CNTNAP2: variants seen among roughly 807,000 people sequenced by gnomAD.
CNTNAP2 encodes contactin-associated protein-like 2.
In CNTNAP2, 98 loss-of-function variants were observed where a neutral mutation model predicts 155.2. The ratio of observed to expected loss-of-function variants is 0.63; its 90% CI spans 0.54 to 0.75. CNTNAP2 has a LOEUF of 0.75. CNTNAP2 is among the 30% of genes least tolerant of loss of function. CNTNAP2 has a pLI of 0.00. For missense variants in CNTNAP2, 1,727 were observed against 1,688.1 expected (o/e 1.02, Z -0.40); for synonymous variants, 651 against 631.2 (o/e 1.03, Z -0.47).
At position 148,292,853 on chromosome 7, in the gene CNTNAP2, A is replaced by T. The variant is rs973309700; in HGVS notation, c.3475+25727A>T. On this transcript the variant is annotated intron_variant, in intron 21 of 23. Coordinates refer to ENST00000361727, the MANE Select transcript of CNTNAP2 (RefSeq NM_014141.6). Reference sequence around the variant, plus strand: ...GTCTCAGCAACTTCCTCTGCCCTACACTGGGATGCCCTCCTTAGTTGATCT... The same window carrying T: ...GTCTCAGCAACTTCCTCTGCCCTACTCTGGGATGCCCTCCTTAGTTGATCT... Among the ~76,000 whole-genome samples the T allele has an allele frequency of 2.0e-5, 3 of 152,220 alleles. No individual in the cohort carries two copies. In the East Asian group the frequency reaches 5.8e-4, roughly 30 times the overall value.
At chr7:147,574,368 G>T (rs1204412680) in intron 12 of CNTNAP2, among the ~76,000 whole-genome samples, 1 of 151,974 alleles carries the variant, frequency 6.6e-6, no homozygotes, top group Non-Finnish European at 1.5e-5. Context: ...GGAGGGTCTT[G>T]TTGACTTGGA....
At position 146,724,561 on chromosome 7, in the gene CNTNAP2, CTTTTTTTTTT is replaced by C. The variant is rs1000613503; in HGVS notation, c.98-49691_98-49682del. On this transcript the variant is annotated intron_variant, in intron 1 of 23. Transcript: ENST00000361727. ...TTAGAAGCATGCTGTTAAATCTAAACTTTTTTTTTTTTTTTTTTTTTTTTTTTTGAGACAG... is the reference window on the plus strand; with the variant it reads ...TTAGAAGCATGCTGTTAAATCTAAACTTTTTTTTTTTTTTTTTTGAGACAG... Among the ~76,000 whole-genome samples the C allele has an allele frequency of 1.4e-4, 9 of 65,622 alleles. No homozygotes were observed. In the East Asian group the frequency reaches 1.6e-3, roughly 12 times the overall value. 43.1% of individuals were successfully genotyped at this position (65,622 alleles called of 152,430 possible).
intron 1 of CNTNAP2, among the ~76,000 whole-genome samples, chr7:146,337,318 ACT>A (rs900813408): frequency 3.6e-4 from 54 of 152,010 alleles, no homozygotes; most frequent in Non-Finnish European, 5.7e-4. Flanking sequence ...AAAAAAACAA[ACT>A]ACGTAAAGAG....
intron 21 of CNTNAP2, among the ~76,000 whole-genome samples, chr7:148,305,316 AT>A (rs1191073853): frequency 6.7e-6 from 1 of 148,436 alleles, no homozygotes; most frequent in South Asian, 2.2e-4. Flanking sequence ...CATTTGCTTA[AT>A]TTTTTGTGAA....
intron 9 of CNTNAP2, among the ~76,000 whole-genome samples, chr7:147,335,774 G>A (rs1795654220): frequency 6.6e-6 from 1 of 152,030 alleles, no homozygotes; most frequent in South Asian, 2.1e-4. Flanking sequence ...TCACAGCATG[G>A]ATTACTGTAC....
intron 21 of CNTNAP2, among the ~76,000 whole-genome samples, chr7:148,295,675 T>A (rs1797269083): frequency 6.7e-6 from 1 of 148,924 alleles, no homozygotes; most frequent in African/African-American, 2.5e-5. Flanking sequence ...GTATTTTTAG[T>A]AGAGACAGGG....
chr7:147,343,279 T>C (rs895477467), intron 9 of CNTNAP2, among the ~76,000 whole-genome samples: 2 of 152,144 alleles, frequency 1.3e-5, no homozygotes, highest in East Asian at 3.9e-4. Context: ...AGCCATAATC[T>C]TGGTCTCGTG....
intron 18 of CNTNAP2, among the ~76,000 whole-genome samples, chr7:148,199,395 A>C (rs1255135486): frequency 2.6e-5 from 4 of 152,212 alleles, no homozygotes; most frequent in Non-Finnish European, 5.9e-5. Flanking sequence ...GTGAGGTTTC[A>C]AGTCCTTCTT....
chr7:148,053,103 C>A (rs7792198), intron 15 of CNTNAP2, among the ~76,000 whole-genome samples: 32,911 of 151,978 alleles, frequency 0.22, 3,801 homozygotes, highest in Middle Eastern at 0.34. Flanking sequence ...AACATGGAAG[C>A]ATGATAATGG....
chr7:147,973,131 G>T (rs959056943), intron 14 of CNTNAP2, among the ~76,000 whole-genome samples: 2 of 138,238 alleles, frequency 1.4e-5, no homozygotes, highest in African/African-American at 5.4e-5. Context: ...TCTGGCCTGG[G>T]CAACAGAGCA....
In CNTNAP2 at chr7:148,229,778, A is replaced by G; in HGVS notation, c.3380A>G (p.Lys1127Arg). The stretch of plus-strand genomic sequence containing the variant: ...CGCCACGAGAAGACCATCTTTCTCA[A>G]GGTATACATACATGTACATATAAAT... ...ITRHEKTIFL[K>R]LDHYPSVSYH... The change falls in exon 20 of 24, where the codon AAG becomes AGG. Residue 1127 changes from lysine to arginine, a missense_variant and splice_region_variant. Coordinates refer to ENST00000361727, the MANE Select transcript of CNTNAP2 (RefSeq NM_014141.6). The G allele has an allele frequency of 6.2e-7, 1 of 1,614,114 alleles. No individual in the cohort carries two copies. Among genetic ancestry groups the G allele is most frequent in the Non-Finnish European group, 8.5e-7 (1 of 1,179,994 alleles).
At chr7:146,961,099 C>A (rs1174872178) in intron 3 of CNTNAP2, among the ~76,000 whole-genome samples, 1 of 152,162 alleles carries the variant, frequency 6.6e-6, no homozygotes, top group South Asian at 2.1e-4. Flanking sequence ...ATCAATGATG[C>A]GTGCTTTTCT....
intron 8 of CNTNAP2, among the ~76,000 whole-genome samples, chr7:147,201,101 G>A (rs1216970927): frequency 6.6e-6 from 1 of 152,212 alleles, no homozygotes; most frequent in Non-Finnish European, 1.5e-5. Flanking sequence ...CATGATTTCA[G>A]TCATCGGCCA....
intron 13 of CNTNAP2, among the ~76,000 whole-genome samples, chr7:147,733,316 G>C (rs549149702): frequency 1.3e-5 from 2 of 152,206 alleles, no homozygotes; most frequent in East Asian, 3.9e-4. Context: ...GTTTGTCAAA[G>C]ATCAGATAGT....
At chr7:147,865,559 G>C (rs569922698) in intron 13 of CNTNAP2, among the ~76,000 whole-genome samples, 1 of 152,184 alleles carries the variant, frequency 6.6e-6, no homozygotes, top group Admixed American at 6.5e-5. Context: ...TCTGGTTCTG[G>C]ACTTTTTTTG....
intron 8 of CNTNAP2, among the ~76,000 whole-genome samples, chr7:147,143,502 TTGTC>T (rs1451275923): frequency 3.9e-5 from 6 of 152,208 alleles, no homozygotes; most frequent in Non-Finnish European, 5.9e-5. Flanking sequence ...CACTTTTCCT[TTGTC>T]TGTCCACCTC....
At chr7:147,011,098 A>G (rs997576113) in intron 3 of CNTNAP2, among the ~76,000 whole-genome samples, 3 of 152,090 alleles carry the variant, frequency 2.0e-5, no homozygotes, top group Non-Finnish European at 4.4e-5. Flanking sequence ...TGCATTGTCA[A>G]TGGGAGAACT....
intron 6 of CNTNAP2, among the ~76,000 whole-genome samples, chr7:147,124,503 T>A (rs1801192598): frequency 6.6e-6 from 1 of 152,164 alleles, no homozygotes; most frequent in Admixed American, 6.5e-5. Flanking sequence ...CTACCATATA[T>A]GGAACTGAGC....
At chr7:147,502,846 G>A (rs527406412) in intron 11 of CNTNAP2, among the ~76,000 whole-genome samples, 3 of 151,868 alleles carry the variant, frequency 2.0e-5, no homozygotes, top group African/African-American at 7.2e-5. Context: ...AAAAAAGAAA[G>A]TAGCAGGAAA....
Sources: gnomAD v4.1 joint callset for allele counts (sites outside exome capture counted in the v4.1 genomes callset) on GRCh38, gnomAD v4.1.1 for gene constraint, MANE v1.5 for transcripts, NCBI Gene and HGNC (gene_info 2026-07-23, HGNC 2026-07-21) for gene names.